Variants in GLP2R observed in about 807,000 individuals in gnomAD.
GLP2R encodes the protein glucagon like peptide 2 receptor.
GLP2R carries 59 observed loss-of-function variants against 68.2 expected under a neutral mutation model. The ratio of observed to expected loss-of-function variants is 0.87; its 90% CI spans 0.70 to 1.07. The LOEUF is 1.07. Ranked by LOEUF, GLP2R falls within the 50% of genes least tolerant of loss-of-function variation. The pLI is 0.00. For missense variants in GLP2R, 548 were observed against 677.4 expected, an observed-to-expected ratio of 0.81 and a Z score of 2.12; for synonymous variants, 270 against 265.4, an observed-to-expected ratio of 1.02 and a Z score of -0.17.
chr17:9,849,534 A>G (rs1462846350), intron 4 of GLP2R, among the ~76,000 whole-genome samples: 1 of 150,996 alleles, frequency 6.6e-6, no homozygotes, highest in Non-Finnish European at 1.5e-5. Flanking sequence ...ATAGTATTTC[A>G]CTTAGCATAT....
At chr17:9,840,784 G>T (rs1368722512) in intron 3 of GLP2R, among the ~76,000 whole-genome samples, 2 of 152,148 alleles carry the variant, frequency 1.3e-5, no homozygotes, top group African/African-American at 4.8e-5. Context: ...TTTAGAGGGA[G>T]GGTGTTCAGG....
intron 4 of GLP2R, among the ~76,000 whole-genome samples, chr17:9,845,418 G>A (rs1290636319): frequency 3.3e-5 from 5 of 152,168 alleles, no homozygotes; most frequent in African/African-American, 4.8e-5. Context: ...TTCTTGTCAC[G>A]GGAGCCACCT....
In GLP2R at chr17:9,880,629, G is replaced by A. The variant is rs193137893; in HGVS notation, c.1284+113G>A. ...GGATGAAAATAGAATTGTAGCATCA[G>A]CAGCCTTTATCAGTAAGGGCCCTTG... is the stretch of plus-strand genomic sequence containing the variant. On this transcript the variant is annotated intron_variant, in intron 11 of 12. Coordinates refer to ENST00000262441, the MANE Select transcript of GLP2R (RefSeq NM_004246.3). 257 of 705,242 alleles carry A rather than the reference G, an allele frequency of 3.6e-4. No homozygotes were observed. The African/African-American group carries it at 4.3e-3, about 12-fold the overall frequency. The allele number at this position is 705,242 out of a possible 1,614,324, so 43.7% of individuals were successfully genotyped here.
At chr17:9,878,506 A>G (rs2067161268) in intron 10 of GLP2R, among the ~76,000 whole-genome samples, 1 of 152,152 alleles carries the variant, frequency 6.6e-6, no homozygotes, top group Admixed American at 6.5e-5. Flanking sequence ...TAGCGAAATG[A>G]CTTCTGTAGG....
At position 9,881,874 on chromosome 17, in the gene GLP2R, G is replaced by A. The variant is rs148753139; in HGVS notation, c.1284+1358G>A. Reference sequence around the variant, plus strand: ...TACCACTAACAGCACAGCAGCGCAGGTCTTCATAGAGTAGTTATCTGAAAA... The same window carrying A: ...TACCACTAACAGCACAGCAGCGCAGATCTTCATAGAGTAGTTATCTGAAAA... On this transcript the variant is annotated intron_variant, in intron 11 of 12. Coordinates refer to ENST00000262441, the MANE Select transcript of GLP2R (RefSeq NM_004246.3). Among the ~76,000 whole-genome samples, 142 of 152,254 alleles carry A rather than the reference G, an allele frequency of 9.3e-4. 1 individual carries two copies. The highest frequency in any genetic ancestry group is 3.1e-3 in the African/African-American group (129 of 41,542).
intron 11 of GLP2R, among the ~76,000 whole-genome samples, chr17:9,884,321 A>G (rs1567739785): frequency 6.6e-6 from 1 of 152,346 alleles, no homozygotes; most frequent in East Asian, 1.9e-4. Flanking sequence ...GGATTCACAA[A>G]ATATCCCTAT....
At chr17:9,870,666 G>A in intron 9 of GLP2R, 81 bp from the exon 10 acceptor site, 1 of 755,932 alleles carries the variant, frequency 1.3e-6, no homozygotes, top group Admixed American at 1.8e-5. Context: ...TGGAACTGAT[G>A]GCCGAGCCCA....
intron 11 of GLP2R, among the ~76,000 whole-genome samples, chr17:9,883,581 A>G (rs7215261): frequency 9.2e-5 from 14 of 152,288 alleles, no homozygotes; most frequent in Admixed American, 3.3e-4. Context: ...TTGAAAGCCA[A>G]AAATGAAGAG....
chr17:9,854,745 C>T (rs1484530397), intron 5 of GLP2R, 144 bp downstream of exon 5: 2 of 640,514 alleles, frequency 3.1e-6, no homozygotes, highest in Non-Finnish European at 5.6e-6. Context: ...ATAGAACCAA[C>T]CCTATGTTTG....
chr17:9,887,836 C>T (rs1331542921), intron 11 of GLP2R, 96 bp from the exon 12 acceptor site: 4 of 857,348 alleles, frequency 4.7e-6, no homozygotes, highest in Admixed American at 1.7e-5. Flanking sequence ...TCTGGAGACT[C>T]CTTACGACCT....
intron 4 of GLP2R, among the ~76,000 whole-genome samples, chr17:9,844,396 G>T (rs1209470247): frequency 6.6e-6 from 1 of 152,112 alleles, no homozygotes; most frequent in Non-Finnish European, 1.5e-5. Flanking sequence ...CAGAAGGCAG[G>T]GACAACAGGC....
intron 4 of GLP2R, among the ~76,000 whole-genome samples, chr17:9,848,860 A>C (rs1000321678): frequency 9.3e-5 from 11 of 117,944 alleles, no homozygotes; most frequent in African/African-American, 3.7e-4. Flanking sequence ...GGCACTTTTA[A>C]AGGAGATTGT....
intron 9 of GLP2R, among the ~76,000 whole-genome samples, chr17:9,867,430 A>C (rs930004427): frequency 6.6e-6 from 1 of 152,206 alleles, no homozygotes; most frequent in Admixed American, 6.5e-5. Flanking sequence ...AAATGACCAT[A>C]ATGTGGCAAC....
At chr17:9,846,368 C>T (rs999623676) in intron 4 of GLP2R, among the ~76,000 whole-genome samples, 12 of 152,146 alleles carry the variant, frequency 7.9e-5, no homozygotes, top group African/African-American at 1.2e-4. Flanking sequence ...GTAATCCCAG[C>T]GCTTTGGGAA....
intron 11 of GLP2R, among the ~76,000 whole-genome samples, chr17:9,887,513 T>C (rs1212547991): frequency 6.6e-6 from 1 of 151,842 alleles, no homozygotes; most frequent in Non-Finnish European, 1.5e-5. Context: ...GCGACAAGAG[T>C]GAAACTCCAT....
intron 5 of GLP2R, among the ~76,000 whole-genome samples, chr17:9,855,703 C>T (rs980075489): frequency 8.5e-5 from 13 of 152,220 alleles, no homozygotes; most frequent in African/African-American, 2.7e-4. Flanking sequence ...ATTATTATTA[C>T]CCCCACTTTA....
Position 9,856,973 on chromosome 17 carries a change from G to A in GLP2R, c.612-450G>A, listed in dbSNP as rs377443846. Among the ~76,000 whole-genome samples the A allele has an allele frequency of 7.0e-4, 106 of 152,006 alleles. 1 individual carries two copies. Among genetic ancestry groups the A allele is most frequent in the African/African-American group, 2.3e-3 (97 of 41,448 alleles). On this transcript the variant is annotated intron_variant, in intron 5 of 12. Transcript: ENST00000262441. Reference sequence around the variant, plus strand: ...AGTCTCGCTCTGTTGCCAGGCTGGCGTGCAGTGGCGTGATCTAGGCTCACT... The same window carrying A: ...AGTCTCGCTCTGTTGCCAGGCTGGCATGCAGTGGCGTGATCTAGGCTCACT...
intron 4 of GLP2R, among the ~76,000 whole-genome samples, chr17:9,850,934 C>T (rs2066885970): frequency 6.6e-6 from 1 of 152,034 alleles, no homozygotes; most frequent in African/African-American, 2.4e-5. Flanking sequence ...CTCAGGTGAT[C>T]CTCCTGCCTG....
Position 9,833,909 on chromosome 17 carries a change from T to C in GLP2R, c.277+15T>C. The C allele has an allele frequency of 6.6e-7, 1 of 1,511,906 alleles. No individual in the cohort carries two copies. The highest frequency in any genetic ancestry group is 1.4e-5 in the African/African-American group (1 of 73,152). The allele number at this position is 1,511,906 out of a possible 1,614,324, so 93.7% of individuals were successfully genotyped here. ...GGAACCTTCTGGTAAGCATGTGTAT[T>C]AGTTATCCGTGGCTGTGTAACAAAT... On this transcript the variant is annotated intron_variant, in intron 2 of 12. Transcript: ENST00000262441.
Sources: allele counts gnomAD v4.1 joint callset (sites outside exome capture counted in the v4.1 genomes callset), GRCh38; gene constraint gnomAD v4.1.1; transcripts MANE v1.5; gene names NCBI Gene and HGNC (gene_info 2026-07-23, HGNC 2026-07-21).